SLC44A1: variants seen among roughly 807,000 people sequenced by gnomAD.
SLC44A1 encodes choline transporter-like protein 1.
A neutral mutation model predicts 79.3 loss-of-function variants in SLC44A1; 26 were observed. The observed-to-expected ratio is 0.33, with a 90% CI of 0.24 to 0.46. SLC44A1 has a LOEUF of 0.46. Among genes scored for constraint, SLC44A1 ranks in the 20% least tolerant of loss-of-function variants. The probability of loss-of-function intolerance (pLI) is 1.00; values close to 1 mark genes in which losing one functional copy is unlikely to be tolerated. For synonymous variants in SLC44A1, 263 were observed against 286.2 expected (o/e 0.92, Z 0.82); for missense variants, 688 against 798.1 (o/e 0.86, Z 1.66).
intron 2 of SLC44A1, among the ~76,000 whole-genome samples, chr9:105,305,483 G>A (rs1228060218): frequency 6.6e-6 from 1 of 152,076 alleles, no homozygotes; most frequent in Non-Finnish European, 1.5e-5. Flanking sequence ...CTCAAAAGAG[G>A]CGAAACAGAA....
intron 1 of SLC44A1, among the ~76,000 whole-genome samples, chr9:105,288,952 T>G (rs1255197955): frequency 6.6e-6 from 1 of 152,242 alleles, no homozygotes; most frequent in African/African-American, 2.4e-5. Context: ...TGGACTTCGT[T>G]AACCCGCATT....
chr9:105,324,246 CG>C (rs1426658494), intron 3 of SLC44A1, among the ~76,000 whole-genome samples: 85 of 149,602 alleles, frequency 5.7e-4, no homozygotes, highest in African/African-American at 2.1e-3. Context: ...TCACCGTGCC[CG>C]GAATTTTTTT....
intron 15 of SLC44A1, among the ~76,000 whole-genome samples, chr9:105,429,274 T>G (rs1564060966): frequency 6.6e-6 from 1 of 152,150 alleles, no homozygotes; most frequent in African/African-American, 2.4e-5. Context: ...GGAGTAGGGC[T>G]TTTCTGTATT....
chr9:105,353,860 G>T (rs1827528853), intron 5 of SLC44A1, among the ~76,000 whole-genome samples: 1 of 151,932 alleles, frequency 6.6e-6, no homozygotes, highest in Non-Finnish European at 1.5e-5. Flanking sequence ...AGTTTTGAAG[G>T]ATAGAGAACC....
In SLC44A1 at chr9:105,390,083, C is replaced by A. The variant is rs1828723130; in HGVS notation, c.*1027C>A. 15 of 1,269,366 alleles carry A rather than the reference C, an allele frequency of 1.2e-5. No homozygotes were observed. The East Asian group carries it at 4.7e-4, about 40-fold the overall frequency. The allele number at this position is 1,269,366 out of a possible 1,614,324, so 78.6% of individuals were successfully genotyped here. A position where few individuals can be genotyped will look rare whatever the true frequency, so the allele number is the denominator to read the frequency against. ...CACTGGCAGGTGCTCCTCTCCTTGG[C>A]AATTCATTGAGTATCCAGAGTTCTA... On this transcript the variant is annotated 3_prime_UTR_variant, in exon 16 of 16. Transcript: ENST00000374720.
chr9:105,286,959 C>G (rs548106398), intron 1 of SLC44A1, among the ~76,000 whole-genome samples: 1 of 152,118 alleles, frequency 6.6e-6, no homozygotes, highest in East Asian at 1.9e-4. Flanking sequence ...ACAGGATTCT[C>G]TCTTTAAAAA....
intron 15 of SLC44A1, among the ~76,000 whole-genome samples, chr9:105,407,660 A>C (rs983760335): frequency 2.6e-5 from 4 of 152,100 alleles, no homozygotes; most frequent in Non-Finnish European, 5.9e-5. Context: ...ACCTGAGGTC[A>C]GGAGTTCAAG....
At chr9:105,349,710 C>G (rs1386980595) in intron 5 of SLC44A1, among the ~76,000 whole-genome samples, 2 of 152,126 alleles carry the variant, frequency 1.3e-5, no homozygotes, top group Non-Finnish European at 2.9e-5. Flanking sequence ...AAGCTCTATA[C>G]CCTTATCTAT....
rs1403115512 is a variant in SLC44A1, at chr9:105,392,113, T to C, written c.*3057T>C. 2 of 985,260 alleles carry C rather than the reference T, an allele frequency of 2.0e-6. No homozygotes were observed. The highest frequency in any genetic ancestry group is 1.7e-5 in the African/African-American group (1 of 57,230). 61.0% of individuals were successfully genotyped at this position (985,260 alleles called of 1,614,324 possible). A position where few individuals can be genotyped will look rare whatever the true frequency, so the allele number is the denominator to read the frequency against. On this transcript the variant is annotated 3_prime_UTR_variant, in exon 16 of 16. Coordinates refer to ENST00000374720, the MANE Select transcript of SLC44A1 (RefSeq NM_080546.5). ...TACCAGTGCATTAGTAATAAAACAT[T>C]AGCAATTTAGCTAGAGCACTGAGAT...
chr9:105,403,585 G>A (rs1828985682), intron 15 of SLC44A1, among the ~76,000 whole-genome samples: 1 of 150,032 alleles, frequency 6.7e-6, no homozygotes, highest in South Asian at 2.2e-4. Context: ...CCCAGCCTCT[G>A]CTCTCTGAAA....
At chr9:105,371,815 G>T (rs565075410) in intron 12 of SLC44A1, among the ~76,000 whole-genome samples, 1 of 146,304 alleles carries the variant, frequency 6.8e-6, no homozygotes. Context: ...TGTTAACTGG[G>T]TGTTTTGTGA....
chr9:105,276,608 GTGTGTGTGTGTA>G (rs1554785752), intron 1 of SLC44A1, among the ~76,000 whole-genome samples: 5 of 141,830 alleles, frequency 3.5e-5, no homozygotes, highest in East Asian at 2.0e-4. Context: ...GTGTGTGTGT[GTGTGTGTGTGTA>G]TGTGCCTGCA....
chr9:105,286,304 T>G (rs1239003700), intron 1 of SLC44A1, among the ~76,000 whole-genome samples: 2 of 152,190 alleles, frequency 1.3e-5, no homozygotes, highest in Non-Finnish European at 2.9e-5. Context: ...TGGTTCACAT[T>G]CCTGCTGTAG....
rs567656360 is a variant in SLC44A1, at chr9:105,366,727, C to T, written c.1494+298C>T. 2.0e-3 allele frequency among the ~76,000 whole-genome samples: 304 copies of T among 152,156 alleles called. 2 individuals are homozygous for T. The highest frequency in any genetic ancestry group is 3.1e-3 in the Non-Finnish European group (209 of 68,012). ...AAATAGATAAAACATCACTCTGGTT[C>T]GTCTTTCAGGAAAAACATTTATCTC... is the stretch of plus-strand genomic sequence containing the variant. On this transcript the variant is annotated intron_variant, in intron 12 of 15. Coordinates refer to ENST00000374720, the MANE Select transcript of SLC44A1 (RefSeq NM_080546.5).
At chr9:105,265,053 T>C (rs374445) in intron 1 of SLC44A1, among the ~76,000 whole-genome samples, 33,644 of 152,116 alleles carry the variant, frequency 0.22, 6,833 homozygotes, top group African/African-American at 0.54. Flanking sequence ...ACCTTGGCCT[T>C]CCAAAGTGCT....
At position 105,392,399 on chromosome 9, in the gene SLC44A1, CTCTCTTT is replaced by C. The variant is rs1271107781; in HGVS notation, c.*3345_*3351del. ...TTTTGTAGAGATGCTCTCTCTCTCT[CTCTCTTT>C]TTTTTTTTTTTTTTTTTTTTTTTTC... On this transcript the variant is annotated 3_prime_UTR_variant, in exon 16 of 16. Coordinates refer to ENST00000374720, the MANE Select transcript of SLC44A1 (RefSeq NM_080546.5). 890 of 816,826 alleles carry C rather than the reference CTCTCTTT, an allele frequency of 1.1e-3. 14 individuals are homozygous for C. The highest frequency in any genetic ancestry group is 3.9e-3 in the African/African-American group (164 of 42,126). The allele number at this position is 816,826 out of a possible 1,614,324, so 50.6% of individuals were successfully genotyped here. A position where few individuals can be genotyped will look rare whatever the true frequency, so the allele number is the denominator to read the frequency against.
At chr9:105,297,822 T>TATCTCCAGCCCCCTC (rs1252060456) in intron 1 of SLC44A1, among the ~76,000 whole-genome samples, 4 of 152,336 alleles carry the variant, frequency 2.6e-5, no homozygotes, top group African/African-American at 9.6e-5. Flanking sequence ...AGGGCTCCCT[T>TATCTCCAGCCCCCTC]ATCTCCAGCC....
chr9:105,324,147 G>T (rs916537082), intron 3 of SLC44A1, among the ~76,000 whole-genome samples: 1 of 151,648 alleles, frequency 6.6e-6, no homozygotes, highest in South Asian at 2.1e-4. Flanking sequence ...GACTACAGGC[G>T]CCCGCCACCA....
At chr9:105,385,346 G>A (rs2771034) in intron 14 of SLC44A1, 76 bp from the exon 15 acceptor site, 1,004,362 of 1,032,148 alleles carry the variant, frequency 0.97, 488,753 homozygotes, top group East Asian at 1. Context: ...CAAAAATGTA[G>A]ATGTTCTTTA....
Sources: gnomAD v4.1 joint callset for allele counts (sites outside exome capture counted in the v4.1 genomes callset) on GRCh38, gnomAD v4.1.1 for gene constraint, MANE v1.5 for transcripts, NCBI Gene and HGNC (gene_info 2026-07-23, HGNC 2026-07-21) for gene names.